The following FLNA variants were observed in gnomAD, a reference collection of about 807,000 sequenced individuals.
FLNA encodes filamin A, also known as filamin-A.
FLNA carries 7 observed loss-of-function variants against 157.6 expected under a neutral mutation model. The ratio of observed to expected loss-of-function variants is 0.04; its 90% CI spans 0.03 to 0.08. The LOEUF is 0.08. FLNA is among the 10% of genes least tolerant of loss of function. The pLI, the probability that FLNA is intolerant of heterozygous loss-of-function variation, is 1.00. For missense variants in FLNA, 1,750 were observed against 2,398.4 expected (o/e 0.73, Z 5.65); for synonymous variants, 1,103 against 1,060.8 (o/e 1.04, Z -0.77).
Position 154,349,416 on chromosome X carries a change from T to C in FLNA, c.7702A>G (p.Ser2568Gly). 1 of 1,212,084 alleles carries C rather than the reference T, an allele frequency of 8.3e-7. No homozygotes were observed. The highest frequency in any genetic ancestry group is 1.1e-6 in the Non-Finnish European group (1 of 895,560). The change falls in exon 47 of 48, where the codon AGC becomes GGC. Residue 2568 changes from serine (S) to glycine (G), a missense_variant. Physicochemically the swap from Ser to Gly is moderately conservative, Grantham distance 56. Around this residue, in one of 5 missense-constraint regions of FLNA, gnomAD observed 970 missense variants for 1,302.6 expected, o/e 0.74. Coordinates refer to ENST00000369850, the MANE Select transcript of FLNA (RefSeq NM_001110556.2). ...SKVVAKGLGL[S>G]KAYVGQKSSF... is the part of the protein sequence containing the mutation. ...CTCTTCTGGCCTACGTAGGCCTTGC[T>C]CAGCCCCAGGCCCTTGGCCACCACC...
At chrX:154,370,273 G>T (rs1005688259) in intron 2 of FLNA, among the ~76,000 whole-genome samples, 3 of 112,731 alleles carry the variant, frequency 2.7e-5, no homozygotes, top group African/African-American at 6.4e-5. Context: ...AACTCACCCC[G>T]GGTGCAGTTT....
chrX:154,373,572 C>T (rs973749112), intron 1 of FLNA, among the ~76,000 whole-genome samples: 3 of 112,766 alleles, frequency 2.7e-5, no homozygotes, highest in East Asian at 5.6e-4. Flanking sequence ...AGGCACACCC[C>T]GCCCACCACA....
intron 21 of FLNA, 110 bp downstream of exon 21, chrX:154,361,198 A>G (rs1603361480): frequency 7.5e-6 from 4 of 536,414 alleles, no homozygotes; most frequent in South Asian, 4.6e-5. Flanking sequence ...GTCTCAGGAA[A>G]AAAAAAAAAA....
rs2148112194 is a variant in FLNA, at chrX:154,360,317, C to T, written c.3478G>A (p.Ala1160Thr). Residue 1160 changes from alanine to threonine, a missense_variant, in exon 22 of 48, where the codon GCA (alanine) becomes ACA (threonine). Physicochemically the swap from Ala to Thr is moderately conservative, Grantham distance 58. Coordinates refer to ENST00000369850, the MANE Select transcript of FLNA (RefSeq NM_001110556.2). Reference protein sequence around the residue: ...FKAHVVPCFDASKVKCSGPGL... With the variant: ...FKAHVVPCFDTSKVKCSGPGL... ...GGGCCTGAGCACTTGACTTTGGATG[C>T]GTCAAAGCAGGGAACCACGTGGGCC... is the stretch of plus-strand genomic sequence containing the variant. 8.3e-7 allele frequency: 1 copy of T among 1,211,699 alleles called. No individual in the cohort carries two copies.
chrX:154,366,817 C>T lies in FLNA; in HGVS notation c.902G>A (p.Arg301Gln), dbSNP rs371600068. ...TCTGGTCTCCACAGTGAACTCTGCC[C>T]GCTTCTTCACCATGTTGCCTGTGGG... ...IEPTGNMVKK[R>Q]AEFTVETRSA... Residue 301 changes from arginine to glutamine, a missense_variant, in exon 6 of 48, where the codon CGG becomes CAG. Physicochemically the swap from Arg to Gln is conservative, Grantham distance 43. Coordinates refer to ENST00000369850, the MANE Select transcript of FLNA (RefSeq NM_001110556.2). The T allele has an allele frequency of 4.1e-6, 5 of 1,211,486 alleles. No homozygotes were observed. In the South Asian group the frequency reaches 7.0e-5, roughly 17 times the overall value.
At chrX:154,371,409 A>T in intron 1 of FLNA, 48 bp from the exon 2 acceptor site, 9 of 456,088 alleles carry the variant, frequency 2.0e-5, no homozygotes, top group East Asian at 5.4e-5. Flanking sequence ...GCGGGGCCAG[A>T]GGGCGGGCCT....
In FLNA at chrX:154,363,480, CGAGGTGGGCA is replaced by C. The variant is rs1422462776; in HGVS notation, c.2280+532_2280+541del. On this transcript the variant is annotated intron_variant, in intron 15 of 47. Coordinates refer to ENST00000369850, the MANE Select transcript of FLNA (RefSeq NM_001110556.2). The stretch of plus-strand genomic sequence containing the variant: ...CTGTCATCCCAGCACTTTGGGAGGC[CGAGGTGGGCA>C]GATCACAAGGTCAGGAGATCGACAC... 4.6e-5 allele frequency among the ~76,000 whole-genome samples: 5 copies of C among 109,572 alleles called. No individual in the cohort carries two copies. In the East Asian group the frequency reaches 1.4e-3, roughly 31 times the overall value.
In FLNA at chrX:154,352,450, G is replaced by A. The variant is rs2148104191; in HGVS notation, c.6503-3C>T. The A allele has an allele frequency of 4.1e-6, 5 of 1,211,555 alleles. No individual in the cohort carries two copies. The highest frequency in any genetic ancestry group is 1.7e-5 in the African/African-American group (1 of 57,962). ...TGTCATATCCTGGATGCTAATTTCT[G>A]CAGGGTGGGGATGGGCTAGTGAGCA... On this transcript the variant is annotated splice_polypyrimidine_tract_variant and splice_region_variant and intron_variant, in intron 40 of 47. Transcript: ENST00000369850.
At position 154,364,067 on chromosome X, in the gene FLNA, G is replaced by A. The variant is rs371023320; in HGVS notation, c.2235C>T (p.Ala745=). The part of the protein sequence containing the change: ...YVPRKPVKHT[A]MVSWGGVSIP... ...TGCTGACGCCTCCCCAGGACACCAT[G>A]GCTGTGTGCTTCACCGGCTTCCTGG... Residue 745 remains alanine (A), a synonymous_variant, in exon 15 of 48, where the codon GCC becomes GCT. Coordinates refer to ENST00000369850, the MANE Select transcript of FLNA (RefSeq NM_001110556.2). The A allele has an allele frequency of 2.1e-5, 25 of 1,209,613 alleles. No individual in the cohort carries two copies. Among genetic ancestry groups the A allele is most frequent in the Non-Finnish European group, 2.8e-5 (25 of 894,877 alleles).
At chrX:154,368,880 C>T (rs997600453) in intron 2 of FLNA, among the ~76,000 whole-genome samples, 5 of 112,977 alleles carry the variant, frequency 4.4e-5, no homozygotes, top group African/African-American at 1.6e-4. Context: ...GCCTGACCCA[C>T]TTGCCACCTA....
In FLNA at chrX:154,352,808, T is replaced by C; in HGVS notation, c.6343A>G (p.Ile2115Val). Residue 2115 changes from isoleucine to valine, a missense_variant, in exon 39 of 48, where the codon ATC (isoleucine) becomes GTC (valine). Coordinates refer to ENST00000369850, the MANE Select transcript of FLNA (RefSeq NM_001110556.2). ...TGGTCGGCAAACTTGATGTTGATGATGTAGTTGCCTGGCTCTGTGGGGCAG... is the reference window on the plus strand; with the variant it reads ...TGGTCGGCAAACTTGATGTTGATGACGTAGTTGCCTGGCTCTGTGGGGCAG... ...TYCPTEPGNYIINIKFADQHV... is the reference protein window; with the variant it reads ...TYCPTEPGNYVINIKFADQHV... The C allele has an allele frequency of 8.3e-7, 1 of 1,211,607 alleles. No individual in the cohort carries two copies. The highest frequency in any genetic ancestry group is 1.1e-6 in the Non-Finnish European group (1 of 895,416).
intron 30 of FLNA, among the ~76,000 whole-genome samples, chrX:154,355,938 G>A (rs1420946719): frequency 8.9e-5 from 10 of 112,872 alleles, no homozygotes; most frequent in Admixed American, 7.4e-4. Context: ...CCAGGAGCAC[G>A]AAACCTACTT....
chrX:154,351,918 G>A lies in FLNA; in HGVS notation c.6873C>T (p.Gly2291=), dbSNP rs1557175880. The A allele has an allele frequency of 2.5e-6, 3 of 1,210,289 alleles. No homozygotes were observed. Among genetic ancestry groups the A allele is most frequent in the East Asian group, 3.0e-5 (1 of 33,783 alleles). The change falls in exon 42 of 48, where the codon GGC becomes GGT. Residue 2291 remains glycine, a synonymous_variant. Coordinates refer to ENST00000369850, the MANE Select transcript of FLNA (RefSeq NM_001110556.2). ...AEISFEDRKD[G]SCGVAYVVQE... ...GGACCACATAAGCCACACCACAGGA[G>A]CCGTCCTTGCGGTCCTCAAAAGAGA... is the stretch of plus-strand genomic sequence containing the variant.
At chrX:154,355,772 G>C (rs1012365013) in intron 30 of FLNA, among the ~76,000 whole-genome samples, 1 of 113,028 alleles carries the variant, frequency 8.8e-6, no homozygotes, top group Admixed American at 9.2e-5. Context: ...GGGCAGAGCA[G>C]CTGAGCAGGC....
rs782053982 is a variant in FLNA at position 154,352,299 on chromosome X, C to T, written c.6651G>A (p.Lys2217=). The stretch of plus-strand genomic sequence containing the variant: ...AGGGGCTCCCAGGCACGTGCTGGCC[C>T]TTGTACTTCACGCTGACTGTGTGTG... The part of the protein sequence containing the change: ...MGTHTVSVKY[K]GQHVPGSPFQ... Residue 2217 remains lysine, a synonymous_variant, in exon 41 of 48, where the codon AAG becomes AAA. Transcript: ENST00000369850. The T allele has an allele frequency of 8.9e-5, 108 of 1,210,377 alleles. No homozygotes were observed. The highest frequency in any genetic ancestry group is 1.2e-4 in the Non-Finnish European group (105 of 895,187).
At position 154,358,492 on chromosome X, in the gene FLNA, C is replaced by G. The variant is rs370476531; in HGVS notation, c.4551G>C (p.Gly1517=). The G allele has an allele frequency of 1.0e-4, 126 of 1,208,534 alleles. No homozygotes were observed. Among genetic ancestry groups the G allele is most frequent in the Middle Eastern group, 6.9e-4 (3 of 4,352 alleles). Residue 1517 remains glycine, a synonymous_variant, in exon 27 of 48, where the codon GGG becomes GGC. Coordinates refer to ENST00000369850, the MANE Select transcript of FLNA (RefSeq NM_001110556.2). Reference sequence around the variant, plus strand: ...CATACAGTACTGAGATGCTGTAGGGCCCTTCTCGGCTGGGCACATAATTGA... The same window carrying G: ...CATACAGTACTGAGATGCTGTAGGGGCCTTCTCGGCTGGGCACATAATTGA... ...QTVNYVPSRE[G]PYSISVLYGD...
In FLNA at chrX:154,362,344, G is replaced by A. The variant is rs372976262; in HGVS notation, c.2566-12C>T. ...CTGGTGGGCGTGGCCTGCAGGCAGTGGGAGGAGAAGGCCTTAGAGGAGGGC... is the reference window on the plus strand; with the variant it reads ...CTGGTGGGCGTGGCCTGCAGGCAGTAGGAGGAGAAGGCCTTAGAGGAGGGC... On this transcript the variant is annotated splice_polypyrimidine_tract_variant and intron_variant, in intron 17 of 47. Transcript: ENST00000369850. 9 of 1,207,339 alleles carry A rather than the reference G, an allele frequency of 7.5e-6. No individual in the cohort carries two copies. Among genetic ancestry groups the A allele is most frequent in the African/African-American group, 3.5e-5 (2 of 57,227 alleles).
chrX:154,358,811 T>C, intron 26 of FLNA, 173 bp downstream of exon 26: 1 of 623,787 alleles, frequency 1.6e-6, no homozygotes, highest in Non-Finnish European at 2.6e-6. Context: ...CTGCTCTACC[T>C]CCTCCAAGTC....
chrX:154,353,985 C>G lies in FLNA; in HGVS notation c.5616G>C (p.Gly1872=), dbSNP rs782204300. 7.2e-5 allele frequency: 87 copies of G among 1,210,244 alleles called. No homozygotes were observed. The highest frequency in any genetic ancestry group is 9.3e-5 in the Non-Finnish European group (83 of 894,755). The part of the protein sequence containing the change: ...YVNCGHVTAY[G]PGLTHGVVNK... ...TCACTACTCCATGGGTGAGGCCAGG[C>G]CCATAGGCAGTGACATGGCCACAGT... The change falls in exon 35 of 48, where the codon GGG becomes GGC. Residue 1872 remains glycine (G), a synonymous_variant. Transcript: ENST00000369850.
Sources: gnomAD v4.1 joint callset for allele counts (sites outside exome capture counted in the v4.1 genomes callset) on GRCh38, gnomAD v4.1.1 for gene constraint, gnomAD v4.1.1 regional missense constraint, MANE v1.5 for transcripts, NCBI Gene and HGNC (gene_info 2026-07-23, HGNC 2026-07-21) for gene names.